The following KLHL14 variants were observed in gnomAD, a reference collection of about 807,000 sequenced individuals.
KLHL14 encodes kelch-like protein 14.
In KLHL14, 22 loss-of-function variants were observed where a neutral mutation model predicts 64.3. That is an observed-to-expected ratio of 0.34 (90% CI 0.24 to 0.49). The LOEUF (loss-of-function observed/expected upper bound fraction) is 0.49, where lower values mean the gene tolerates loss of function less well. KLHL14 is among the 20% of genes least tolerant of loss of function. The probability of loss-of-function intolerance (pLI) is 0.99; values close to 1 mark genes in which losing one functional copy is unlikely to be tolerated. For synonymous variants in KLHL14, 322 were observed against 333.4 expected, an observed-to-expected ratio of 0.97 and a Z score of 0.37; for missense variants, 661 against 789.0, an observed-to-expected ratio of 0.84 and a Z score of 1.94.
chr18:32,769,821 C>G lies in KLHL14; in HGVS notation c.771G>C (p.Ala257=), dbSNP rs770735957. Residue 257 remains alanine, a synonymous_variant, in exon 2 of 9, where the codon GCG becomes GCC. Transcript: ENST00000359358. ...EHDRETRMQY[A]PDLMKRLRFA... is the part of the protein sequence containing the mutation. ...AGCGGAGGCGCTTCATGAGGTCAGG[C>G]GCATACTGCATGCGGGTCTCGCGGT... The G allele has an allele frequency of 5.0e-6, 8 of 1,613,400 alleles. No individual in the cohort carries two copies. The African/African-American group carries it at 8.0e-5, about 16-fold the overall frequency.
chr18:32,770,556 G>A lies in KLHL14; in HGVS notation c.36C>T (p.Asp12=), dbSNP rs763516391. The change falls in exon 2 of 9, where the codon GAC becomes GAT. Residue 12 remains aspartate, a synonymous_variant. Transcript: ENST00000359358. The surrounding 1 kb of genome is among the most constrained non-coding windows in gnomAD (Gnocchi z 6.7). Reference sequence around the variant, plus strand: ...GCAGCAGGTTGTCGCTGTGGCTGGGGTCGAAGGTGGAGGTCCTGTCCCCGG... The same window carrying A: ...GCAGCAGGTTGTCGCTGTGGCTGGGATCGAAGGTGGAGGTCCTGTCCCCGG... ...SRSGDRTSTF[D]PSHSDNLLHG... is the part of the protein sequence containing the mutation. The A allele has an allele frequency of 5.1e-5, 81 of 1,597,292 alleles. No homozygotes were observed. The highest frequency in any genetic ancestry group is 6.3e-5 in the Non-Finnish European group (74 of 1,175,908).
At chr18:32,693,413 C>CACACACACACACAG (rs1229737083) in intron 4 of KLHL14, among the ~76,000 whole-genome samples, 109 of 97,026 alleles carry the variant, frequency 1.1e-3, no homozygotes, top group African/African-American at 4.9e-3. Flanking sequence ...CACACACACA[C>CACACACACACACAG]AGAGAGAGAG....
intron 2 of KLHL14, among the ~76,000 whole-genome samples, chr18:32,763,539 A>G (rs1185600912): frequency 6.6e-6 from 1 of 152,136 alleles, no homozygotes; most frequent in Non-Finnish European, 1.5e-5. Flanking sequence ...ATCTTCTCTG[A>G]GTCCCAGTTT....
chr18:32,726,643 A>AT (rs1189242186), intron 3 of KLHL14, among the ~76,000 whole-genome samples: 18 of 151,724 alleles, frequency 1.2e-4, no homozygotes, highest in East Asian at 1.9e-4. Context: ...ATAAATAAAT[A>AT]AAAATAAAAT....
chr18:32,716,991 C>G (rs1046307672), intron 3 of KLHL14, among the ~76,000 whole-genome samples: 4 of 152,128 alleles, frequency 2.6e-5, no homozygotes, highest in African/African-American at 9.7e-5. Context: ...AAGGCCAACT[C>G]GGAATGAGAT....
At chr18:32,722,784 AC>A (rs1453222522) in intron 3 of KLHL14, among the ~76,000 whole-genome samples, 1 of 152,068 alleles carries the variant, frequency 6.6e-6, no homozygotes, top group Non-Finnish European at 1.5e-5. Context: ...ACATAGTGAG[AC>A]CCTGTCTCAC....
rs935229084 is a variant in KLHL14, at chr18:32,687,206, C to T, written c.1187G>A (p.Arg396Gln). Residue 396 changes from arginine to glutamine, a missense_variant, in exon 5 of 9, where the codon CGA becomes CAA. Physicochemically the swap from Arg to Gln is conservative, Grantham distance 43. This residue lies in a region of KLHL14 where 330 missense variants were observed against 450.0 expected (regional missense o/e 0.73). Transcript: ENST00000359358. ...NGKHSTNFVS[R>Q]YDPRFNSWIQ... ...CCAGCTATTAAATCGAGGATCATAT[C>T]GGCTGACAAAATTTGTACTGTGTTT... 6.2e-6 allele frequency: 10 copies of T among 1,613,690 alleles called. No individual in the cohort carries two copies. Among genetic ancestry groups the T allele is most frequent in the Non-Finnish European group, 8.5e-6 (10 of 1,179,768 alleles).
intron 2 of KLHL14, among the ~76,000 whole-genome samples, chr18:32,751,624 G>A (rs2144540023): frequency 6.6e-6 from 1 of 152,240 alleles, no homozygotes; most frequent in East Asian, 1.9e-4. Context: ...CACAGAGTCT[G>A]GCTATGTGGT....
intron 4 of KLHL14, among the ~76,000 whole-genome samples, chr18:32,689,303 G>A (rs757537820): frequency 2.1e-4 from 32 of 152,076 alleles, no homozygotes; most frequent in Non-Finnish European, 3.5e-4. Flanking sequence ...AAAGACAATG[G>A]GTCCTCAGAG....
At chr18:32,765,195 G>C (rs2050335025) in intron 2 of KLHL14, among the ~76,000 whole-genome samples, 2 of 152,162 alleles carry the variant, frequency 1.3e-5, no homozygotes, top group African/African-American at 2.4e-5. Flanking sequence ...TATGTGAAGT[G>C]CGTCAACATC....
intron 3 of KLHL14, among the ~76,000 whole-genome samples, chr18:32,734,901 T>TGC (rs58720669): frequency 6.6e-6 from 1 of 152,128 alleles, no homozygotes; most frequent in Non-Finnish European, 1.5e-5. Context: ...TGTGTGTGTG[T>TGC]GCGTGCACGC....
Position 32,680,346 on chromosome 18 carries a change from CAT to C in KLHL14, c.1430-21_1430-20del, listed in dbSNP as rs754964898. 2.5e-6 allele frequency: 4 copies of C among 1,613,466 alleles called. No individual in the cohort carries two copies. The East Asian group carries it at 8.9e-5, about 36-fold the overall frequency. ...ACACCCCCTGTGAAATAAACATAGA[CAT>C]ACAAGTCAAGAGAGTGCTTTGGAAC... On this transcript the variant is annotated intron_variant, in intron 6 of 8. Transcript: ENST00000359358. This position sits in a 1 kb window ranked among gnomAD's most constrained non-coding sequence, Gnocchi z 4.8.
At chr18:32,688,371 A>G (rs1468474788) in intron 4 of KLHL14, among the ~76,000 whole-genome samples, 1 of 152,208 alleles carries the variant, frequency 6.6e-6, no homozygotes, top group Non-Finnish European at 1.5e-5. Flanking sequence ...TGTGTGTTTC[A>G]TGTATTCTAG....
At chr18:32,704,718 T>C (rs1199679566) in intron 3 of KLHL14, among the ~76,000 whole-genome samples, 1 of 151,736 alleles carries the variant, frequency 6.6e-6, no homozygotes. Context: ...CATGACTCTG[T>C]CTCAAAAAAA....
In KLHL14 at chr18:32,711,231, AG is replaced by A. The variant is rs528057293; in HGVS notation, c.1070-15680del. On this transcript the variant is annotated intron_variant, in intron 3 of 8. Coordinates refer to ENST00000359358, the MANE Select transcript of KLHL14 (RefSeq NM_020805.3). ...AGCACAGCTACATGTAAAAGCTAAG[AG>A]GCAAAGAAAATGGGGGACAGCAAAA... Among the ~76,000 whole-genome samples the A allele has an allele frequency of 7.2e-5, 11 of 152,320 alleles. No individual in the cohort carries two copies. The South Asian group carries it at 2.3e-3, about 32-fold the overall frequency.
chr18:32,674,827 G>A (rs762989069), intron 8 of KLHL14, 30 bp from the exon 9 acceptor site: 2 of 775,186 alleles, frequency 2.6e-6, no homozygotes, highest in Non-Finnish European at 4.8e-6. Flanking sequence ...AGCATTTAGA[G>A]AAGGAAGCTA....
chr18:32,700,926 T>C (rs968861465), intron 3 of KLHL14, among the ~76,000 whole-genome samples: 1 of 151,996 alleles, frequency 6.6e-6, no homozygotes, highest in Non-Finnish European at 1.5e-5. Context: ...GGTGCAAGAA[T>C]AGCAAGTGCA....
At chr18:32,695,732 G>A (rs1044036441) in intron 3 of KLHL14, among the ~76,000 whole-genome samples, 180 bp from the exon 4 acceptor site, 4 of 152,058 alleles carry the variant, frequency 2.6e-5, no homozygotes, top group African/African-American at 9.7e-5. Flanking sequence ...GCAGTGACTC[G>A]GTGGTGTGTT....
rs5823861 is a variant in KLHL14, at chr18:32,763,108, G to GTT, written c.947+6535_947+6536dup. Among the ~76,000 whole-genome samples the GTT allele has an allele frequency of 8.6e-3, 1,187 of 138,214 alleles. 10 individuals carry two copies. The highest frequency in any genetic ancestry group is 0.023 in the South Asian group (100 of 4,382). 90.7% of individuals were successfully genotyped at this position (138,214 alleles called of 152,430 possible). ...TTTTGGTTCAAATTCAAGCTTCAAG[G>GTT]TTTTTTTTTTTTTTTCATAGTTAAA... On this transcript the variant is annotated intron_variant, in intron 2 of 8. Coordinates refer to ENST00000359358, the MANE Select transcript of KLHL14 (RefSeq NM_020805.3).
Sources: gnomAD v4.1 joint callset for allele counts (sites outside exome capture counted in the v4.1 genomes callset) on GRCh38, gnomAD v4.1.1 for gene constraint, gnomAD v4.1.1 regional missense constraint, Gnocchi (gnomAD v3.1) non-coding constraint, MANE v1.5 for transcripts, NCBI Gene and HGNC (gene_info 2026-07-23, HGNC 2026-07-21) for gene names.